DYRK3: variants seen among roughly 807,000 people sequenced by gnomAD.
The protein encoded by DYRK3 is dual specificity tyrosine phosphorylation regulated kinase 3.
Under a neutral mutation model 40.8 loss-of-function variants are expected in DYRK3, and 30 were observed. That is an observed-to-expected ratio of 0.74 (90% CI 0.55 to 1.00). The LOEUF (loss-of-function observed/expected upper bound fraction) is 1.00. DYRK3 is among the 50% of genes least tolerant of loss of function. The pLI, the probability that DYRK3 is intolerant of heterozygous loss-of-function variation, is 0.00. For missense variants in DYRK3, 699 were observed against 731.5 expected, an observed-to-expected ratio of 0.96 and a Z score of 0.51; for synonymous variants, 272 against 260.7, an observed-to-expected ratio of 1.04 and a Z score of -0.42.
chr1:206,647,313 ATTCAG>A (rs1186528416), intron 2 of DYRK3, 70 bp from the exon 3 acceptor site: 2 of 1,403,798 alleles, frequency 1.4e-6, no homozygotes, highest in East Asian at 4.6e-5. Context: ...TTTTGTTGTT[ATTCAG>A]TTGGAGGAGG....
At chr1:206,636,581 G>T (rs1671118780) in intron 1 of DYRK3, among the ~76,000 whole-genome samples, 1 of 152,020 alleles carries the variant, frequency 6.6e-6, no homozygotes, top group Non-Finnish European at 1.5e-5. Context: ...ATTTGTAGCG[G>T]TTTTTTTCCC....
chr1:206,636,379 C>A (rs1671110812), intron 1 of DYRK3, among the ~76,000 whole-genome samples: 1 of 152,216 alleles, frequency 6.6e-6, no homozygotes. Flanking sequence ...CTGTTAGTCA[C>A]TAGGCAATTT....
At position 206,648,485 on chromosome 1, in the gene DYRK3, A is replaced by G; in HGVS notation, c.1287A>G (p.Pro429=). 1 of 1,614,146 alleles carries G rather than the reference A, an allele frequency of 6.2e-7. No homozygotes were observed. The highest frequency in any genetic ancestry group is 8.5e-7 in the Non-Finnish European group (1 of 1,180,028). ...ACMMELLGMP[P]PKLLEQSKRA... Reference sequence around the variant, plus strand: ...TGATGGAGCTTCTAGGGATGCCACCACCAAAACTTCTGGAGCAATCCAAAC... The same window carrying G: ...TGATGGAGCTTCTAGGGATGCCACCGCCAAAACTTCTGGAGCAATCCAAAC... The change falls in exon 3 of 3, where the codon CCA becomes CCG. Residue 429 remains proline, a synonymous_variant. Transcript: ENST00000367109.
chr1:206,648,697 A>G lies in DYRK3; in HGVS notation c.1499A>G (p.Lys500Arg), dbSNP rs1340177152. The G allele has an allele frequency of 1.9e-6, 3 of 1,614,010 alleles. No homozygotes were observed. In the South Asian group the frequency reaches 3.3e-5, roughly 18 times the overall value. ...GACTACTTGTTTATAGAGTTCTTGA[A>G]AAGGTGTCTTCACTGGGACCCCTCT... ...CDDYLFIEFL[K>R]RCLHWDPSAR... Residue 500 changes from lysine to arginine, a missense_variant, in exon 3 of 3, where the codon AAA (lysine) becomes AGA (arginine). Transcript: ENST00000367109.
At chr1:206,645,569 A>G (rs1553419972) in intron 2 of DYRK3, among the ~76,000 whole-genome samples, 3 of 152,038 alleles carry the variant, frequency 2.0e-5, no homozygotes, top group Non-Finnish European at 4.4e-5. Context: ...GCTGGAATGC[A>G]GTAGCGTGAT....
At chr1:206,645,932 C>T (rs1444217447) in intron 2 of DYRK3, among the ~76,000 whole-genome samples, 1 of 152,082 alleles carries the variant, frequency 6.6e-6, no homozygotes, top group Non-Finnish European at 1.5e-5. Flanking sequence ...TCACTGCAAC[C>T]TCCACCTCCT....
chr1:206,636,972 A>G (rs1553418476), intron 1 of DYRK3: 1 of 1,593,186 alleles, frequency 6.3e-7, no homozygotes, highest in African/African-American at 1.3e-5. Flanking sequence ...AAGAGAAGTA[A>G]ATTCAATACA....
Position 206,651,693 on chromosome 1 carries a change from T to C in DYRK3, c.*2728T>C, listed in dbSNP as rs1460963552. ...GTCCTTGAACTGCTAGCCAGGTAGA[T>C]GTTTCCTTGAAGTCCAGAGCAGGAT... On this transcript the variant is annotated 3_prime_UTR_variant, in exon 3 of 3. Transcript: ENST00000367109. 6.6e-6 allele frequency among the ~76,000 whole-genome samples: 1 copy of C among 152,190 alleles called. No homozygotes were observed. The highest frequency in any genetic ancestry group is 1.9e-4 in the East Asian group (1 of 5,202).
rs1276450688 is a variant in DYRK3 at position 206,650,332 on chromosome 1, T to G, written c.*1367T>G. Among the ~76,000 whole-genome samples, 1 of 152,194 alleles carries G rather than the reference T, an allele frequency of 6.6e-6. No individual in the cohort carries two copies. The highest frequency in any genetic ancestry group is 1.5e-5 in the Non-Finnish European group (1 of 68,022). On this transcript the variant is annotated 3_prime_UTR_variant, in exon 3 of 3. Coordinates refer to ENST00000367109, the MANE Select transcript of DYRK3 (RefSeq NM_003582.4). ...CTGTAATCCCAGCACTTTGGGAGGC[T>G]GAGGTGGGTGGATTCCTTGAGCCCA...
At chr1:206,647,269 C>A (rs1311202587) in intron 2 of DYRK3, 119 bp from the exon 3 acceptor site, 6 of 1,046,176 alleles carry the variant, frequency 5.7e-6, no homozygotes, top group Non-Finnish European at 8.2e-6. Context: ...CTTTTTGGGT[C>A]ATTTTAACCT....
At chr1:206,636,982 A>C (rs781827998) in intron 1 of DYRK3, 1 of 1,579,184 alleles carries the variant, frequency 6.3e-7, no homozygotes, top group African/African-American at 1.3e-5. Context: ...AATTCAATAC[A>C]TTTTATAATT....
rs1558558610 is a variant in DYRK3 at position 206,647,638 on chromosome 1, T to C, written c.440T>C (p.Leu147Pro). The change falls in exon 3 of 3, where the codon CTG becomes CCG. Residue 147 changes from leucine to proline, a missense_variant. By Grantham distance (98) the Leu-to-Pro change is moderately conservative (BLOSUM62 -3). Transcript: ENST00000367109. ...KVVPLTPEQA[L>P]KQYKHHLTAY... ...GTGCCTCTGACTCCAGAACAAGCCC[T>C]GAAGCAATATAAACACCACCTCACT... is the stretch of plus-strand genomic sequence containing the variant. 1 of 1,614,168 alleles carries C rather than the reference T, an allele frequency of 6.2e-7. No homozygotes were observed. The highest frequency in any genetic ancestry group is 8.5e-7 in the Non-Finnish European group (1 of 1,180,032).
At chr1:206,635,851 G>C (rs1200995370) in intron 1 of DYRK3, 71 bp downstream of exon 1, 2 of 1,240,836 alleles carry the variant, frequency 1.6e-6, no homozygotes, top group East Asian at 3.1e-5. Flanking sequence ...CGAAGCTTGG[G>C]GGTGGGGAGG....
Position 206,647,608 on chromosome 1 carries a change from A to C in DYRK3, c.410A>C (p.Lys137Thr). The C allele has an allele frequency of 1.9e-6, 3 of 1,614,178 alleles. No homozygotes were observed. Among genetic ancestry groups the C allele is most frequent in the Non-Finnish European group, 2.5e-6 (3 of 1,180,026 alleles). ...VKSNSSSKAPKVVPLTPEQAL... is the reference protein window; with the variant it reads ...VKSNSSSKAPTVVPLTPEQAL... ...TCCAACAGTTCATCCAAGGCACCCAAAGTGGTGCCTCTGACTCCAGAACAA... is the reference window on the plus strand; with the variant it reads ...TCCAACAGTTCATCCAAGGCACCCACAGTGGTGCCTCTGACTCCAGAACAA... Residue 137 changes from lysine (K) to threonine (T), a missense_variant, in exon 3 of 3, where the codon AAA becomes ACA. Coordinates refer to ENST00000367109, the MANE Select transcript of DYRK3 (RefSeq NM_003582.4).
At chr1:206,638,874 CTT>C (rs782152819) in intron 2 of DYRK3, among the ~76,000 whole-genome samples, 18 of 130,554 alleles carry the variant, frequency 1.4e-4, no homozygotes, top group Non-Finnish European at 1.6e-4. Flanking sequence ...AACCTTTTTC[CTT>C]TTTTTTTTTT....
intron 2 of DYRK3, among the ~76,000 whole-genome samples, chr1:206,644,687 G>A (rs782540612): frequency 3.9e-5 from 6 of 152,096 alleles, no homozygotes; most frequent in South Asian, 2.1e-4. Context: ...ATGCAGGTGC[G>A]CGCCACTACG....
chr1:206,641,287 T>G (rs1393224506), intron 2 of DYRK3, among the ~76,000 whole-genome samples: 2 of 152,186 alleles, frequency 1.3e-5, no homozygotes, highest in Non-Finnish European at 2.9e-5. Context: ...AGCCCTTTCA[T>G]CGTCTTCATA....
Position 206,648,424 on chromosome 1 carries a change from TC to T in DYRK3, c.1229del (p.Pro410LeufsTer12). 1 of 1,614,154 alleles carries T rather than the reference TC, an allele frequency of 6.2e-7. No individual in the cohort carries two copies. Among genetic ancestry groups the T allele is most frequent in the Non-Finnish European group, 8.5e-7 (1 of 1,180,018 alleles). ...LAELLTGQPL[F>X]PGEDEGDQLA... ...GAACTTTTAACAGGACAGCCTCTCTTCCCTGGAGAGGATGAAGGAGACCAGT... is the reference window on the plus strand; with the variant it reads ...GAACTTTTAACAGGACAGCCTCTCTTCCTGGAGAGGATGAAGGAGACCAGT... On this transcript the variant is annotated frameshift_variant, in exon 3 of 3. Coordinates refer to ENST00000367109, the MANE Select transcript of DYRK3 (RefSeq NM_003582.4). LOFTEE classifies it high-confidence loss of function.
intron 2 of DYRK3, among the ~76,000 whole-genome samples, chr1:206,644,827 A>G (rs1454299520): frequency 6.6e-6 from 1 of 152,266 alleles, no homozygotes; most frequent in Non-Finnish European, 1.5e-5. Context: ...GGTGTGAGCC[A>G]CCACGGCTGG....
Sources: allele counts gnomAD v4.1 joint callset (sites outside exome capture counted in the v4.1 genomes callset), GRCh38; gene constraint gnomAD v4.1.1; transcripts MANE v1.5; gene names NCBI Gene and HGNC (gene_info 2026-07-23, HGNC 2026-07-21).